FLT1: variants seen among roughly 807,000 people sequenced by gnomAD.
The protein encoded by FLT1 is fms related receptor tyrosine kinase 1.
Under a neutral mutation model 156.3 loss-of-function variants are expected in FLT1, and 49 were observed. That is an observed-to-expected ratio of 0.31 (90% CI 0.25 to 0.40). FLT1 has a LOEUF of 0.40. Among genes scored for constraint, FLT1 ranks in the 10% least tolerant of loss-of-function variants. FLT1 has a pLI of 1.00. For missense variants in FLT1, 1,322 were observed against 1,637.2 expected (o/e 0.81, Z 3.32); for synonymous variants, 594 against 583.8 (o/e 1.02, Z -0.25).
intron 14 of FLT1, among the ~76,000 whole-genome samples, chr13:28,359,228 A>T (rs1204437833): frequency 1.3e-5 from 2 of 152,222 alleles, no homozygotes; most frequent in Non-Finnish European, 2.9e-5. Flanking sequence ...CCAGAAATCA[A>T]CCCAAACATC....
At chr13:28,386,896 A>G in intron 13 of FLT1, 2 of 1,046,982 alleles carry the variant, frequency 1.9e-6, no homozygotes, top group Non-Finnish European at 2.3e-6. Flanking sequence ...TCCTCAGCAC[A>G]CTATTTCCCA....
intron 14 of FLT1, among the ~76,000 whole-genome samples, chr13:28,380,955 G>A (rs1412438695): frequency 6.6e-6 from 1 of 152,128 alleles, no homozygotes; most frequent in African/African-American, 2.4e-5. Context: ...AAGGAATAAT[G>A]AGTTGCCCAA....
chr13:28,467,689 G>A (rs589809), intron 1 of FLT1, 72 bp from the exon 2 acceptor site: 70,618 of 799,504 alleles, frequency 0.088, 5,907 homozygotes, highest in African/African-American at 0.37. Context: ...ATCTTTCCAT[G>A]AAGGTGAGTT....
intron 3 of FLT1, among the ~76,000 whole-genome samples, chr13:28,442,322 T>C (rs1273528737): frequency 1.3e-5 from 2 of 152,198 alleles, no homozygotes; most frequent in Non-Finnish European, 2.9e-5. Context: ...TAATTTACTG[T>C]CTCCTTAAGC....
intron 19 of FLT1, 35 bp downstream of exon 19, chr13:28,329,580 G>C (rs1871835733): frequency 2.1e-6 from 3 of 1,416,944 alleles, no homozygotes; most frequent in Non-Finnish European, 3.0e-6. Context: ...GCCTGTGCAG[G>C]GGGAGACGGA....
chr13:28,454,523 C>G (rs1879155311), intron 3 of FLT1, among the ~76,000 whole-genome samples: 1 of 152,112 alleles, frequency 6.6e-6, no homozygotes, highest in South Asian at 2.1e-4. Context: ...CTTGAAAAAG[C>G]TACTTAACCT....
chr13:28,438,543 A>C lies in FLT1; in HGVS notation c.389-198T>G, dbSNP rs189188196. ...AGAAAAAGAAAGCTTCCCTAATAAA[A>C]CCTAATTTCATATCTGTTGTTGGCC... On this transcript the variant is annotated intron_variant, in intron 3 of 29. Transcript: ENST00000282397. Among the ~76,000 whole-genome samples the C allele has an allele frequency of 6.5e-3, 996 of 152,146 alleles. 12 individuals carry two copies. The highest frequency in any genetic ancestry group is 0.022 in the African/African-American group (901 of 41,488).
At chr13:28,387,249 T>G in intron 13 of FLT1, 1 of 1,040,362 alleles carries the variant, frequency 9.6e-7, no homozygotes, top group Non-Finnish European at 1.2e-6. Flanking sequence ...TGCATTTTTC[T>G]TTGTACCCAT....
At chr13:28,488,835 C>G (rs978304806) in intron 1 of FLT1, among the ~76,000 whole-genome samples, 1 of 152,228 alleles carries the variant, frequency 6.6e-6, no homozygotes, top group Non-Finnish European at 1.5e-5. Flanking sequence ...AGAGTTGATT[C>G]TGACTGTGGC....
At chr13:28,411,497 G>A (rs1876172730) in intron 10 of FLT1, among the ~76,000 whole-genome samples, 1 of 129,658 alleles carries the variant, frequency 7.7e-6, no homozygotes, top group East Asian at 2.4e-4. Flanking sequence ...AGTGAGCCAA[G>A]ATCATGCCAT....
At position 28,303,198 on chromosome 13, in the gene FLT1, G is replaced by A. The variant is rs750851829; in HGVS notation, c.3986C>T (p.Ser1329Leu). 12 of 1,612,516 alleles carry A rather than the reference G, an allele frequency of 7.4e-6. No individual in the cohort carries two copies. The highest frequency in any genetic ancestry group is 2.2e-5 in the East Asian group (1 of 44,856). ...GGGTGGGGTGGAGTACAGGACCACCGAGTTGTAGTCTGGGGGCGGGGAGCA... is the reference window on the plus strand; with the variant it reads ...GGGTGGGGTGGAGTACAGGACCACCAAGTTGTAGTCTGGGGGCGGGGAGCA... ...ACCSPPPDYN[S>L]VVLYSTPPI is the part of the protein sequence containing the mutation. The change falls in exon 30 of 30, where the codon TCG becomes TTG. Residue 1329 changes from serine (S) to leucine (L), a missense_variant. Physicochemically the swap from Ser to Leu is moderately radical, Grantham distance 145 (BLOSUM62 -2). Coordinates refer to ENST00000282397, the MANE Select transcript of FLT1 (RefSeq NM_002019.4).
intron 15 of FLT1, among the ~76,000 whole-genome samples, chr13:28,353,179 C>T (rs554159750): frequency 3.3e-5 from 5 of 152,162 alleles, no homozygotes; most frequent in South Asian, 2.1e-4. Context: ...CAATCATCTT[C>T]GAAAAATGTT....
At chr13:28,388,654 G>C (rs573216329) in intron 13 of FLT1, 5 of 1,055,016 alleles carry the variant, frequency 4.7e-6, no homozygotes, top group Non-Finnish European at 3.4e-6. Context: ...TAGTTTTGCC[G>C]CTTCTTAATC....
At chr13:28,315,832 G>A (rs886779674) in intron 25 of FLT1, among the ~76,000 whole-genome samples, 12 of 152,108 alleles carry the variant, frequency 7.9e-5, no homozygotes, top group African/African-American at 1.9e-4. Context: ...TTCATCAGCC[G>A]TGGTCTAGGG....
intron 1 of FLT1, among the ~76,000 whole-genome samples, chr13:28,475,680 T>C (rs1214003124): frequency 6.6e-6 from 1 of 152,246 alleles, no homozygotes; most frequent in East Asian, 1.9e-4. Context: ...ATGCTTATTC[T>C]TATAGGGCTC....
chr13:28,453,284 G>A (rs369421923), intron 3 of FLT1, among the ~76,000 whole-genome samples: 22 of 151,280 alleles, frequency 1.5e-4, no homozygotes, highest in East Asian at 1.4e-3. Context: ...CCACCACACC[G>A]GGCTAATTTT....
chr13:28,468,347 G>A (rs1774400358), intron 1 of FLT1, among the ~76,000 whole-genome samples: 1 of 151,366 alleles, frequency 6.6e-6, no homozygotes, highest in Admixed American at 6.6e-5. Context: ...AAAGTGAGGT[G>A]GTGAAAGTGC....
chr13:28,461,604 A>G (rs768576436), intron 3 of FLT1, among the ~76,000 whole-genome samples: 1 of 152,190 alleles, frequency 6.6e-6, no homozygotes, highest in African/African-American at 2.4e-5. Context: ...ACAAAGCAAG[A>G]CTATCTCAAA....
chr13:28,333,541 T>C (rs997375956), intron 18 of FLT1, among the ~76,000 whole-genome samples: 1 of 152,198 alleles, frequency 6.6e-6, no homozygotes, highest in African/African-American at 2.4e-5. Context: ...AGAGGAAATG[T>C]TTTATGGCTG....
Sources: gnomAD v4.1 joint callset for allele counts (sites outside exome capture counted in the v4.1 genomes callset) on GRCh38, gnomAD v4.1.1 for gene constraint, MANE v1.5 for transcripts, NCBI Gene and HGNC (gene_info 2026-07-23, HGNC 2026-07-21) for gene names.